SENP6: variants seen among roughly 807,000 people sequenced by gnomAD.
SENP6 encodes SUMO specific peptidase 6, also known as sentrin-specific protease 6.
Under a neutral mutation model 134.5 loss-of-function variants are expected in SENP6, and 41 were observed. The observed-to-expected ratio is 0.30, with a 90% CI of 0.24 to 0.40. The LOEUF (loss-of-function observed/expected upper bound fraction) is 0.40. Among genes scored for constraint, SENP6 ranks in the 10% least tolerant of loss-of-function variants. The pLI is 1.00. For synonymous variants in SENP6, 395 were observed against 429.8 expected, an observed-to-expected ratio of 0.92 and a Z score of 1.00; for missense variants, 1,248 against 1,312.5, an observed-to-expected ratio of 0.95 and a Z score of 0.76.
At chr6:75,668,533 A>T (rs142043018) in intron 10 of SENP6, among the ~76,000 whole-genome samples, 2 of 152,242 alleles carry the variant, frequency 1.3e-5, no homozygotes, top group Non-Finnish European at 2.9e-5. Flanking sequence ...ATGAAATTAA[A>T]ATACCTTTTG....
intron 1 of SENP6, among the ~76,000 whole-genome samples, chr6:75,613,818 A>AC (rs1212245215): frequency 2.0e-5 from 3 of 152,230 alleles, no homozygotes; most frequent in Non-Finnish European, 4.4e-5. Context: ...TAACATTGAT[A>AC]CAATACTATA....
At chr6:75,636,938 T>C (rs1378102649) in intron 5 of SENP6, among the ~76,000 whole-genome samples, 1 of 151,692 alleles carries the variant, frequency 6.6e-6, no homozygotes, top group African/African-American at 2.4e-5. Context: ...TGTAGTGTAG[T>C]GTCTCAGTCA....
intron 5 of SENP6, among the ~76,000 whole-genome samples, chr6:75,640,172 G>A (rs905146347): frequency 8.5e-5 from 13 of 152,122 alleles, no homozygotes; most frequent in Admixed American, 7.9e-4. Context: ...CAACACTCTC[G>A]GGCATATAAT....
intron 7 of SENP6, among the ~76,000 whole-genome samples, chr6:75,648,890 C>T (rs1276032884): frequency 1.3e-5 from 2 of 152,134 alleles, no homozygotes; most frequent in Admixed American, 6.5e-5. Context: ...GTATTGGAAC[C>T]CATGTCTGTT....
chr6:75,632,239 T>G (rs966200027), intron 3 of SENP6, among the ~76,000 whole-genome samples: 8 of 152,154 alleles, frequency 5.3e-5, no homozygotes, highest in Non-Finnish European at 1.2e-4. Flanking sequence ...TAGCTACTAA[T>G]AGAGGAGTGG....
chr6:75,637,116 C>G (rs779668116), intron 5 of SENP6, among the ~76,000 whole-genome samples: 12 of 152,200 alleles, frequency 7.9e-5, no homozygotes, highest in Middle Eastern at 3.4e-3. Context: ...CAGCTTCAAG[C>G]AGTCCTGCCT....
chr6:75,636,622 T>C (rs189776350), intron 5 of SENP6, among the ~76,000 whole-genome samples: 2 of 152,262 alleles, frequency 1.3e-5, no homozygotes, highest in East Asian at 1.9e-4. Context: ...AGTAGAGCTA[T>C]ACAAAATACG....
chr6:75,664,815 G>T (rs1260944254), intron 9 of SENP6, among the ~76,000 whole-genome samples: 1 of 152,204 alleles, frequency 6.6e-6, no homozygotes, highest in African/African-American at 2.4e-5. Flanking sequence ...TGCTTTTTCT[G>T]TGTCAGGCTG....
At chr6:75,620,031 T>A (rs987406747) in intron 1 of SENP6, among the ~76,000 whole-genome samples, 5 of 146,498 alleles carry the variant, frequency 3.4e-5, no homozygotes, top group African/African-American at 1.3e-4. Context: ...AAGTCAAGGC[T>A]GCAGTGAGCC....
chr6:75,638,117 C>T (rs1348894510), intron 5 of SENP6, among the ~76,000 whole-genome samples: 2 of 152,106 alleles, frequency 1.3e-5, no homozygotes, highest in Non-Finnish European at 2.9e-5. Flanking sequence ...CCACCTTGGC[C>T]TCCCAAAGTG....
chr6:75,623,078 T>G (rs1230794939), intron 2 of SENP6, among the ~76,000 whole-genome samples: 2 of 152,170 alleles, frequency 1.3e-5, no homozygotes, highest in Non-Finnish European at 2.9e-5. Context: ...AAAAAAAGTT[T>G]GGATGTATAT....
At chr6:75,661,340 C>A (rs1019941287) in intron 8 of SENP6, among the ~76,000 whole-genome samples, 1 of 152,184 alleles carries the variant, frequency 6.6e-6, no homozygotes, top group Admixed American at 6.5e-5. Flanking sequence ...TGGCTCAGGC[C>A]ATGCTGATAT....
At chr6:75,700,590 T>A (rs1032199914) in intron 18 of SENP6, among the ~76,000 whole-genome samples, 1 of 151,806 alleles carries the variant, frequency 6.6e-6, no homozygotes, top group Non-Finnish European at 1.5e-5. Context: ...AGGCTCAAGC[T>A]ATCCTCCCAC....
At chr6:75,622,352 G>A (rs1342463777) in intron 2 of SENP6, among the ~76,000 whole-genome samples, 2 of 152,136 alleles carry the variant, frequency 1.3e-5, no homozygotes, top group Non-Finnish European at 2.9e-5. Context: ...GAGGTCAGGA[G>A]TTCAAGATCA....
At chr6:75,602,652 C>G in intron 1 of SENP6, 76 bp downstream of exon 1, 9 of 1,416,108 alleles carry the variant, frequency 6.4e-6, no homozygotes, top group Non-Finnish European at 7.8e-6. Context: ...CCCGGATATT[C>G]AGTTATCTGC....
intron 16 of SENP6, among the ~76,000 whole-genome samples, chr6:75,683,683 G>A (rs1773623204): frequency 6.6e-6 from 1 of 152,094 alleles, no homozygotes; most frequent in Admixed American, 6.6e-5. Flanking sequence ...TTTTTGTCAG[G>A]TTTGTCAAAG....
chr6:75,623,572 T>TA (rs1440496201), intron 2 of SENP6, among the ~76,000 whole-genome samples: 1 of 152,196 alleles, frequency 6.6e-6, no homozygotes, highest in African/African-American at 2.4e-5. Context: ...TGAGAATATA[T>TA]AAAATCCATA....
At chr6:75,684,408 G>T (rs1773683600) in intron 16 of SENP6, among the ~76,000 whole-genome samples, 1 of 152,152 alleles carries the variant, frequency 6.6e-6, no homozygotes, top group African/African-American at 2.4e-5. Context: ...TTGCCTGATT[G>T]CCCTAGCCAG....
At chr6:75,673,049 G>A (rs528134469) in intron 11 of SENP6, among the ~76,000 whole-genome samples, 1 of 152,136 alleles carries the variant, frequency 6.6e-6, no homozygotes, top group East Asian at 1.9e-4. Context: ...GGATGGTCTC[G>A]ATCTCTTGAC....
Sources: allele counts gnomAD v4.1 joint callset (sites outside exome capture counted in the v4.1 genomes callset), GRCh38; gene constraint gnomAD v4.1.1; transcripts MANE v1.5; gene names NCBI Gene and HGNC (gene_info 2026-07-23, HGNC 2026-07-21).